PACSIN2: variants seen among roughly 807,000 people sequenced by gnomAD.
The protein encoded by PACSIN2 is protein kinase C and casein kinase substrate in neurons protein 2.
Under a neutral mutation model 63.8 loss-of-function variants are expected in PACSIN2, and 25 were observed. That is an observed-to-expected ratio of 0.39 (90% CI 0.29 to 0.55). The LOEUF (loss-of-function observed/expected upper bound fraction) is 0.55, where lower values mean the gene tolerates loss of function less well. Among genes scored for constraint, PACSIN2 ranks in the 20% least tolerant of loss-of-function variants. PACSIN2 has a pLI of 0.62. For synonymous variants in PACSIN2, 255 were observed against 256.2 expected, an observed-to-expected ratio of 1.00 and a Z score of 0.05; for missense variants, 518 against 646.9, an observed-to-expected ratio of 0.80 and a Z score of 2.16.
intron 1 of PACSIN2, among the ~76,000 whole-genome samples, chr22:42,982,882 AAAAAAAAAC>A (rs1288709761): frequency 1.5e-5 from 2 of 136,290 alleles, no homozygotes; most frequent in African/African-American, 5.6e-5. Context: ...AAAAAAAAAA[AAAAAAAAAC>A]AACAACAAGG....
intron 2 of PACSIN2, among the ~76,000 whole-genome samples, chr22:42,907,475 A>G (rs1290292582): frequency 1.3e-5 from 2 of 152,264 alleles, no homozygotes; most frequent in Admixed American, 6.5e-5. Context: ...TCTAGGAGCC[A>G]TATGTGAGCA....
chr22:42,916,406 G>T (rs541711553), intron 1 of PACSIN2, among the ~76,000 whole-genome samples: 1 of 150,610 alleles, frequency 6.6e-6, no homozygotes, highest in Admixed American at 6.6e-5. Flanking sequence ...CTGGGGTGGG[G>T]GTGGGGATGG....
At chr22:42,980,698 G>C in intron 1 of PACSIN2, among the ~76,000 whole-genome samples, 1 of 107,268 alleles carries the variant, frequency 9.3e-6, no homozygotes, top group Non-Finnish European at 1.9e-5. Flanking sequence ...TGTGTTGGCC[G>C]GGCTGGTCTC....
intron 10 of PACSIN2, among the ~76,000 whole-genome samples, chr22:42,873,424 G>T (rs1485277174): frequency 1.3e-5 from 2 of 152,240 alleles, no homozygotes; most frequent in Admixed American, 6.5e-5. Flanking sequence ...GGCAGAGGCA[G>T]CTGATAACCA....
At chr22:42,932,231 G>A (rs1932793622) in intron 1 of PACSIN2, among the ~76,000 whole-genome samples, 1 of 152,134 alleles carries the variant, frequency 6.6e-6, no homozygotes, top group African/African-American at 2.4e-5. Context: ...TGCACATGCT[G>A]TTCCCTCTGC....
rs373580004 is a variant in PACSIN2 at position 42,911,392 on chromosome 22, C to T, written c.60+629G>A. On this transcript the variant is annotated intron_variant, in intron 2 of 10. Coordinates refer to ENST00000263246, the MANE Select transcript of PACSIN2 (RefSeq NM_001184970.3). ...GCCACTGAACTCCAGCCTGCGCTCTCGAGACCTCAACTGTTAAAAAAAAAA... is the reference window on the plus strand; with the variant it reads ...GCCACTGAACTCCAGCCTGCGCTCTTGAGACCTCAACTGTTAAAAAAAAAA... 2.5e-4 allele frequency among the ~76,000 whole-genome samples: 37 copies of T among 145,714 alleles called. No homozygotes were observed. The East Asian group carries it at 4.8e-3, about 19-fold the overall frequency.
At chr22:42,998,669 G>A (rs980440716) in intron 1 of PACSIN2, among the ~76,000 whole-genome samples, 3 of 152,128 alleles carry the variant, frequency 2.0e-5, no homozygotes, top group African/African-American at 7.2e-5. Flanking sequence ...ATACAAACAC[G>A]AGGCAGAAGG....
At chr22:42,936,170 T>G (rs1409701572) in intron 1 of PACSIN2, among the ~76,000 whole-genome samples, 1 of 148,924 alleles carries the variant, frequency 6.7e-6, no homozygotes, top group Non-Finnish European at 1.5e-5. Context: ...GAGCCAAGAT[T>G]GCGCCACTGC....
chr22:42,966,177 T>C (rs1920953692), intron 1 of PACSIN2, among the ~76,000 whole-genome samples: 1 of 152,032 alleles, frequency 6.6e-6, no homozygotes, highest in Non-Finnish European at 1.5e-5. Flanking sequence ...CGAGACCATC[T>C]TGGCCAAAAT....
At chr22:42,982,869 T>TAAAAAAAAAAAAAAAAAA (rs1252040629) in intron 1 of PACSIN2, among the ~76,000 whole-genome samples, 27 of 43,960 alleles carry the variant, frequency 6.1e-4, no homozygotes, top group Admixed American at 1.1e-3. Context: ...GAATGATCAA[T>TAAAAAAAAAAAAAAAAAA]AAAAAAAAAA....
intron 6 of PACSIN2, among the ~76,000 whole-genome samples, chr22:42,882,815 G>T (rs930440968): frequency 3.3e-5 from 5 of 152,058 alleles, no homozygotes; most frequent in Non-Finnish European, 7.4e-5. Flanking sequence ...CACCTTCCTA[G>T]GAAGCTGCCC....
In PACSIN2 at chr22:42,882,282, G is replaced by A; in HGVS notation, c.808C>T (p.Leu270=). The A allele has an allele frequency of 6.2e-7, 1 of 1,612,926 alleles. No individual in the cohort carries two copies. The highest frequency in any genetic ancestry group is 8.5e-7 in the Non-Finnish European group (1 of 1,179,476). Residue 270 remains leucine (L), a synonymous_variant, in exon 7 of 11, where the codon CTG becomes TTG. Transcript: ENST00000263246. ...TCAGCTGCTCTGATGCTCTGCTCCAGGTCATGGTAAATGGCTTTGTAGCTA... is the reference window on the plus strand; with the variant it reads ...TCAGCTGCTCTGATGCTCTGCTCCAAGTCATGGTAAATGGCTTTGTAGCTA... ...VAGYKAIYHD[L]EQSIRAADAV...
chr22:42,982,879 AAAAAAAAAAAACAAC>A (rs1922297258), intron 1 of PACSIN2, among the ~76,000 whole-genome samples: 1 of 133,122 alleles, frequency 7.5e-6, no homozygotes. Flanking sequence ...TAAAAAAAAA[AAAAAAAAAAAACAAC>A]AACAAGGCTA....
At chr22:43,007,866 G>A (rs925722872) in intron 1 of PACSIN2, among the ~76,000 whole-genome samples, 2 of 152,178 alleles carry the variant, frequency 1.3e-5, no homozygotes, top group African/African-American at 2.4e-5. Flanking sequence ...GACTCACCCT[G>A]CCTGTTGCCT....
intron 1 of PACSIN2, among the ~76,000 whole-genome samples, chr22:42,999,693 C>T (rs1190360440): frequency 2.0e-5 from 3 of 152,184 alleles, no homozygotes; most frequent in Non-Finnish European, 4.4e-5. Flanking sequence ...TGTCTACAGA[C>T]TATGCCTGGT....
intron 1 of PACSIN2, among the ~76,000 whole-genome samples, chr22:42,941,723 T>C (rs1040406940): frequency 1.3e-5 from 2 of 152,224 alleles, no homozygotes; most frequent in Non-Finnish European, 2.9e-5. Context: ...CCTTTGCTCA[T>C]TTTTTAAACT....
chr22:42,892,894 G>T (rs1427862323), intron 3 of PACSIN2, among the ~76,000 whole-genome samples: 2 of 152,194 alleles, frequency 1.3e-5, no homozygotes, highest in Non-Finnish European at 2.9e-5. Context: ...TTCCCTGCTG[G>T]GAAGTGTGTT....
chr22:42,906,406 T>G (rs1931076796), intron 2 of PACSIN2, among the ~76,000 whole-genome samples: 1 of 152,250 alleles, frequency 6.6e-6, no homozygotes, highest in Non-Finnish European at 1.5e-5. Flanking sequence ...TTGTGTATTC[T>G]AAACTGTGAA....
chr22:43,003,816 G>C (rs1923921875), intron 1 of PACSIN2, among the ~76,000 whole-genome samples: 1 of 152,172 alleles, frequency 6.6e-6, no homozygotes, highest in South Asian at 2.1e-4. Context: ...GCACTCCTAA[G>C]CCAGGGCCTC....
Sources: gnomAD v4.1 joint callset for allele counts (sites outside exome capture counted in the v4.1 genomes callset) on GRCh38, gnomAD v4.1.1 for gene constraint, MANE v1.5 for transcripts, NCBI Gene and HGNC (gene_info 2026-07-23, HGNC 2026-07-21) for gene names.